Variants in LRP1B observed in about 807,000 individuals in gnomAD.
LRP1B encodes LDL receptor related protein 1B, also known as low-density lipoprotein receptor-related protein 1B.
Under a neutral mutation model 556.6 loss-of-function variants are expected in LRP1B, and 217 were observed. The ratio of observed to expected loss-of-function variants is 0.39; its 90% CI spans 0.35 to 0.44. The LOEUF (loss-of-function observed/expected upper bound fraction) is 0.44, where lower values mean the gene tolerates loss of function less well. LRP1B is among the 20% of genes least tolerant of loss of function. The pLI is 1.00. For synonymous variants in LRP1B, 2,047 were observed against 1,865.8 expected (o/e 1.10, Z -2.50); for missense variants, 5,053 against 5,620.8 (o/e 0.90, Z 3.23).
At chr2:142,012,938 T>C (rs867699306) in intron 1 of LRP1B, among the ~76,000 whole-genome samples, 4 of 152,142 alleles carry the variant, frequency 2.6e-5, no homozygotes, top group Admixed American at 2.0e-4. Flanking sequence ...GGGAGTATTA[T>C]ATAATATGAC....
At chr2:140,435,941 G>A (rs896460149) in intron 66 of LRP1B, among the ~76,000 whole-genome samples, 4 of 151,594 alleles carry the variant, frequency 2.6e-5, no homozygotes, top group African/African-American at 4.8e-5. Context: ...GCCATTATGC[G>A]GGCTCTCTCT....
At chr2:140,854,151 A>G (rs1054898164) in intron 27 of LRP1B, among the ~76,000 whole-genome samples, 1 of 152,112 alleles carries the variant, frequency 6.6e-6, no homozygotes, top group African/African-American at 2.4e-5. Context: ...TTTGTTCAAA[A>G]ACACTAGCAT....
intron 1 of LRP1B, among the ~76,000 whole-genome samples, chr2:142,056,415 C>A (rs1209345131): frequency 6.6e-6 from 1 of 151,922 alleles, no homozygotes; most frequent in Non-Finnish European, 1.5e-5. Flanking sequence ...CAAAACACAC[C>A]CATCACTACT....
At chr2:140,755,853 G>T (rs1047630009) in intron 35 of LRP1B, among the ~76,000 whole-genome samples, 1 of 151,934 alleles carries the variant, frequency 6.6e-6, no homozygotes, top group African/African-American at 2.4e-5. Flanking sequence ...AGGCAAAAAA[G>T]AAGTAGAAGG....
At chr2:141,458,083 G>A (rs1039816021) in intron 3 of LRP1B, among the ~76,000 whole-genome samples, 1 of 151,930 alleles carries the variant, frequency 6.6e-6, no homozygotes, top group African/African-American at 2.4e-5. Flanking sequence ...TCTTCCTTCA[G>A]GAAACTTCTG....
chr2:140,997,020 T>C (rs149961237), intron 15 of LRP1B, among the ~76,000 whole-genome samples: 3 of 152,144 alleles, frequency 2.0e-5, no homozygotes, highest in African/African-American at 4.8e-5. Context: ...CTTTGAACTA[T>C]GTATTTGAAA....
chr2:140,719,100 C>T (rs1169301462), intron 35 of LRP1B, among the ~76,000 whole-genome samples: 1 of 151,970 alleles, frequency 6.6e-6, no homozygotes, highest in Non-Finnish European at 1.5e-5. Context: ...TCTTTGAGGG[C>T]TGGGACTTTA....
chr2:141,612,782 G>A (rs1194134145), intron 2 of LRP1B, among the ~76,000 whole-genome samples: 1 of 152,120 alleles, frequency 6.6e-6, no homozygotes, highest in Non-Finnish European at 1.5e-5. Context: ...TAGTGAGAAG[G>A]TTATAAAGTA....
chr2:141,219,920 C>T (rs973387649), intron 6 of LRP1B, among the ~76,000 whole-genome samples: 1 of 152,072 alleles, frequency 6.6e-6, no homozygotes, highest in Non-Finnish European at 1.5e-5. Flanking sequence ...CCCATAAAAA[C>T]CCCATCAGCA....
intron 35 of LRP1B, among the ~76,000 whole-genome samples, chr2:140,748,092 A>T (rs1192366769): frequency 2.9e-4 from 2 of 6,948 alleles, no homozygotes; most frequent in African/African-American, 1.1e-3. Context: ...AAGTCCTATG[A>T]ATATATATAT....
At chr2:141,494,515 C>A (rs56875147) in intron 2 of LRP1B, among the ~76,000 whole-genome samples, 29 of 151,870 alleles carry the variant, frequency 1.9e-4, no homozygotes, top group Admixed American at 1.8e-3. Context: ...TGCCTCAGTG[C>A]GCTAAATATT....
intron 3 of LRP1B, among the ~76,000 whole-genome samples, chr2:141,464,607 T>TATATATATATATATATATATA (rs1295526699): frequency 1.3e-4 from 8 of 59,902 alleles, no homozygotes; most frequent in Non-Finnish European, 2.6e-4. Flanking sequence ...TATATATATA[T>TATATATATATATATATATATA]TTTTTTAGTA....
intron 6 of LRP1B, among the ~76,000 whole-genome samples, chr2:141,219,967 T>C (rs1261035184): frequency 1.3e-5 from 2 of 150,750 alleles, no homozygotes; most frequent in Non-Finnish European, 3.0e-5. Flanking sequence ...CCCACCAAGA[T>C]GAGAAAGAAT....
intron 6 of LRP1B, among the ~76,000 whole-genome samples, chr2:141,200,016 C>A (rs1681933364): frequency 6.6e-6 from 1 of 152,154 alleles, no homozygotes; most frequent in Non-Finnish European, 1.5e-5. Flanking sequence ...AGCAATGTGG[C>A]AATTCCTCAA....
chr2:140,908,161 A>G (rs1694309489), intron 21 of LRP1B, 84 bp from the exon 22 acceptor site: 4 of 1,043,784 alleles, frequency 3.8e-6, no homozygotes, highest in South Asian at 2.8e-5. Context: ...CTTCAGTCAC[A>G]GGCAGAATTA....
intron 2 of LRP1B, among the ~76,000 whole-genome samples, chr2:141,510,864 CCTTCCTTGTCTAA>C (rs1175737199): frequency 7.2e-6 from 1 of 137,956 alleles, no homozygotes; most frequent in Admixed American, 8.0e-5. Context: ...TTGCAACATA[CCTTCCTTGTCTAA>C]ACACACACAC....
At chr2:141,138,156 AATC>A (rs1701537501) in intron 7 of LRP1B, among the ~76,000 whole-genome samples, 1 of 151,984 alleles carries the variant, frequency 6.6e-6, no homozygotes, top group African/African-American at 2.4e-5. Context: ...CAATGTAATT[AATC>A]ATATTTACAA....
At chr2:141,512,859 A>C (rs1684179385) in intron 2 of LRP1B, among the ~76,000 whole-genome samples, 2 of 152,148 alleles carry the variant, frequency 1.3e-5, no homozygotes, top group African/African-American at 4.8e-5. Flanking sequence ...TTAACATTCA[A>C]ATCTTTAAAA....
intron 7 of LRP1B, among the ~76,000 whole-genome samples, chr2:141,072,652 T>C (rs974087497): frequency 2.6e-5 from 4 of 151,978 alleles, no homozygotes; most frequent in African/African-American, 9.7e-5. Context: ...TCTGTCCCCA[T>C]TGACTCTCTC....
Sources: gnomAD v4.1 joint callset for allele counts (sites outside exome capture counted in the v4.1 genomes callset) on GRCh38, gnomAD v4.1.1 for gene constraint, MANE v1.5 for transcripts, NCBI Gene and HGNC (gene_info 2026-07-23, HGNC 2026-07-21) for gene names.